The following AGTPBP1 variants were observed in gnomAD, a reference collection of about 807,000 sequenced individuals.
AGTPBP1 encodes cytosolic carboxypeptidase 1.
In AGTPBP1, 70 loss-of-function variants were observed where a neutral mutation model predicts 143.9. The ratio of observed to expected loss-of-function variants is 0.49; its 90% CI spans 0.40 to 0.59. The LOEUF (loss-of-function observed/expected upper bound fraction) is 0.59. Among genes scored for constraint, AGTPBP1 ranks in the 20% least tolerant of loss-of-function variants. The probability of loss-of-function intolerance (pLI) is 0.00; values close to 1 mark genes in which losing one functional copy is unlikely to be tolerated. For synonymous variants in AGTPBP1, 463 were observed against 500.2 expected, an observed-to-expected ratio of 0.93 and a Z score of 0.99; for missense variants, 1,229 against 1,464.5, an observed-to-expected ratio of 0.84 and a Z score of 2.62.
At chr9:85,672,296 T>C (rs1302265195) in intron 7 of AGTPBP1, among the ~76,000 whole-genome samples, 1 of 152,142 alleles carries the variant, frequency 6.6e-6, no homozygotes, top group Non-Finnish European at 1.5e-5. Context: ...CTCAAACTCC[T>C]GACCTCAGGT....
intron 2 of AGTPBP1, among the ~76,000 whole-genome samples, chr9:85,694,890 C>T (rs559169306): frequency 5.0e-4 from 76 of 152,328 alleles, no homozygotes; most frequent in African/African-American, 1.7e-3. Flanking sequence ...TACAAATTCA[C>T]ATGAATTCAG....
At chr9:85,686,974 A>G (rs1016048220) in intron 3 of AGTPBP1, among the ~76,000 whole-genome samples, 1 of 152,196 alleles carries the variant, frequency 6.6e-6, no homozygotes, top group African/African-American at 2.4e-5. Flanking sequence ...ATCCAACAAT[A>G]TGTTATCTTC....
chr9:85,781,062 A>G, the AGTPBP1 span: 2 of 1,132,416 alleles, frequency 1.8e-6, no homozygotes, highest in Non-Finnish European at 2.3e-6. Context: ...GCTTACAGTG[A>G]GCCGAGCATA....
intron 6 of AGTPBP1, among the ~76,000 whole-genome samples, chr9:85,674,618 A>C (rs1206616032): frequency 6.6e-6 from 1 of 152,132 alleles, no homozygotes. Flanking sequence ...AAAGAAAAAT[A>C]AGAGACAGCT....
intron 13 of AGTPBP1, 116 bp from the exon 14 acceptor site, chr9:85,633,490 A>C: frequency 1.4e-6 from 1 of 724,084 alleles, no homozygotes; most frequent in South Asian, 3.2e-5. Flanking sequence ...TTAAAGATGG[A>C]TAAAACCGGA....
chr9:85,696,385 C>T (rs914625414), intron 2 of AGTPBP1, among the ~76,000 whole-genome samples: 1 of 151,706 alleles, frequency 6.6e-6, no homozygotes, highest in East Asian at 1.9e-4. Context: ...TGTGTCAACC[C>T]GGTCGGGCGC....
At chr9:85,571,403 C>T (rs1277315068) in intron 25 of AGTPBP1, among the ~76,000 whole-genome samples, 2 of 151,786 alleles carry the variant, frequency 1.3e-5, no homozygotes, top group East Asian at 3.9e-4. Flanking sequence ...TTTGAAGGGG[C>T]CAAATCAGGA....
the AGTPBP1 span, among the ~76,000 whole-genome samples, chr9:85,771,066 C>A: frequency 1.3e-5 from 2 of 152,188 alleles, no homozygotes; most frequent in Non-Finnish European, 2.9e-5. Flanking sequence ...AGAACTATAT[C>A]CGTCTTTTCT....
At chr9:85,673,873 C>A (rs1421690031) in intron 6 of AGTPBP1, among the ~76,000 whole-genome samples, 2 of 152,062 alleles carry the variant, frequency 1.3e-5, no homozygotes, top group African/African-American at 2.4e-5. Context: ...GTAATCCCAG[C>A]ACTTTGGGAG....
intron 13 of AGTPBP1, among the ~76,000 whole-genome samples, chr9:85,637,321 G>T (rs1195708279): frequency 6.6e-6 from 1 of 152,050 alleles, no homozygotes. Context: ...GGGATTACAG[G>T]CATGAGCCAC....
At chr9:85,759,629 G>A in the AGTPBP1 span, among the ~76,000 whole-genome samples, 63 of 152,260 alleles carry the variant, frequency 4.1e-4, no homozygotes, top group African/African-American at 1.4e-3. Flanking sequence ...GCAGTGTGTA[G>A]AGGGAAATTT....
intron 11 of AGTPBP1, among the ~76,000 whole-genome samples, chr9:85,647,306 T>C (rs995823332): frequency 6.6e-6 from 1 of 152,196 alleles, no homozygotes; most frequent in Non-Finnish European, 1.5e-5. Context: ...TGAATCTCTG[T>C]TGGGCCACAT....
chr9:85,707,472 G>C (rs1837084054), intron 2 of AGTPBP1, among the ~76,000 whole-genome samples: 1 of 151,856 alleles, frequency 6.6e-6, no homozygotes, highest in South Asian at 2.1e-4. Flanking sequence ...CAGTAGAACT[G>C]ATAAACTTTC....
the AGTPBP1 span, among the ~76,000 whole-genome samples, chr9:85,800,216 G>C: frequency 1.3e-5 from 2 of 152,188 alleles, no homozygotes; most frequent in Non-Finnish European, 1.5e-5. Context: ...ATCTTCCGGT[G>C]AATTTGGGCA....
At chr9:85,741,137 T>A in intron 1 of AGTPBP1, 1 of 834,278 alleles carries the variant, frequency 1.2e-6, no homozygotes, top group Non-Finnish European at 1.4e-6. Context: ...CTCTGCACTG[T>A]CATCCAGGGT....
the AGTPBP1 span, among the ~76,000 whole-genome samples, chr9:85,790,463 A>G: frequency 6.6e-6 from 1 of 152,180 alleles, no homozygotes; most frequent in African/African-American, 2.4e-5. Flanking sequence ...AGAAAGCATC[A>G]AACACTGGAA....
chr9:85,711,388 A>T (rs897924279), intron 2 of AGTPBP1, among the ~76,000 whole-genome samples: 3 of 151,996 alleles, frequency 2.0e-5, no homozygotes, highest in African/African-American at 7.2e-5. Context: ...TTTAACAGAG[A>T]TGATACAGTG....
At chr9:85,770,061 T>TTTTG in the AGTPBP1 span, among the ~76,000 whole-genome samples, 1 of 148,282 alleles carries the variant, frequency 6.7e-6, no homozygotes, top group Non-Finnish European at 1.5e-5. Context: ...TGTTAATCTG[T>TTTTG]TGTGTGTGTG....
chr9:85,736,028 G>A (rs1053431550), intron 1 of AGTPBP1, among the ~76,000 whole-genome samples: 2 of 152,160 alleles, frequency 1.3e-5, no homozygotes, highest in African/African-American at 4.8e-5. Flanking sequence ...ATTAAGAAGG[G>A]AAACCAGGTC....
Sources: gnomAD v4.1 joint callset for allele counts (sites outside exome capture counted in the v4.1 genomes callset) on GRCh38, gnomAD v4.1.1 for gene constraint, MANE v1.5 for transcripts, NCBI Gene and HGNC (gene_info 2026-07-23, HGNC 2026-07-21) for gene names.